CELF2: variants seen among roughly 807,000 people sequenced by gnomAD.
The protein encoded by CELF2 is CUGBP Elav-like family member 2.
Under a neutral mutation model 62.6 loss-of-function variants are expected in CELF2, and 8 were observed. The ratio of observed to expected loss-of-function variants is 0.13; its 90% CI spans 0.07 to 0.23. The LOEUF is 0.23. Among genes scored for constraint, CELF2 ranks in the 10% least tolerant of loss-of-function variants. CELF2 has a pLI of 1.00. For missense variants in CELF2, 333 were observed against 671.0 expected, an observed-to-expected ratio of 0.50 and a Z score of 5.56; for synonymous variants, 258 against 250.0, an observed-to-expected ratio of 1.03 and a Z score of -0.30.
At chr10:11,194,861 A>C (rs528428900) in intron 2 of CELF2, among the ~76,000 whole-genome samples, 1 of 152,228 alleles carries the variant, frequency 6.6e-6, no homozygotes, top group African/African-American at 2.4e-5. Context: ...CTCATATTTT[A>C]TAGTACCATC....
the CELF2 span, among the ~76,000 whole-genome samples, chr10:10,552,095 C>T: frequency 6.6e-6 from 1 of 152,140 alleles, no homozygotes; most frequent in Non-Finnish European, 1.5e-5. Flanking sequence ...TCAGACAAAG[C>T]GGTTGCCTTG....
At chr10:10,523,280 C>T in the CELF2 span, among the ~76,000 whole-genome samples, 1 of 152,192 alleles carries the variant, frequency 6.6e-6, no homozygotes, top group East Asian at 1.9e-4. Flanking sequence ...TTTAGCAACA[C>T]TCTAGGCTTG....
intron 1 of CELF2, among the ~76,000 whole-genome samples, chr10:11,035,934 A>G (rs1819370390): frequency 2.0e-5 from 3 of 152,300 alleles, no homozygotes; most frequent in Admixed American, 2.0e-4. Context: ...TGGCAATTTT[A>G]TTTCATGACC....
intron 1 of CELF2, among the ~76,000 whole-genome samples, chr10:11,067,243 A>G (rs774399633): frequency 6.6e-6 from 1 of 152,228 alleles, no homozygotes; most frequent in Non-Finnish European, 1.5e-5. Flanking sequence ...AAATGTGTAC[A>G]TATTTGGCAG....
At position 10,936,331 on chromosome 10, in the gene CELF2, C is replaced by A. The variant is rs540734142; in HGVS notation, c.89+16332C>A. Reference sequence around the variant, plus strand: ...TAATCTGCATAATTGTGCAAAAATTCTCATGTTACATGACTGTTCTCCCTG... The same window carrying A: ...TAATCTGCATAATTGTGCAAAAATTATCATGTTACATGACTGTTCTCCCTG... On this transcript the variant is annotated intron_variant, in intron 2 of 13. Transcript: ENST00000636488. The surrounding 1 kb of genome is among the most constrained non-coding windows in gnomAD (Gnocchi z 4.0). Among the ~76,000 whole-genome samples, 2 of 152,268 alleles carry A rather than the reference C, an allele frequency of 1.3e-5. No homozygotes were observed. Among genetic ancestry groups the A allele is most frequent in the East Asian group, 1.9e-4 (1 of 5,182 alleles).
At chr10:11,048,659 G>A (rs2063304350) in intron 1 of CELF2, among the ~76,000 whole-genome samples, 1 of 152,170 alleles carries the variant, frequency 6.6e-6, no homozygotes, top group African/African-American at 2.4e-5. Flanking sequence ...AACACCTAAG[G>A]TAGAATCTAA....
At chr10:10,574,210 A>G in the CELF2 span, among the ~76,000 whole-genome samples, 1 of 152,220 alleles carries the variant, frequency 6.6e-6, no homozygotes, top group African/African-American at 2.4e-5. Flanking sequence ...AGCCAAGGAC[A>G]TTATCCCACA....
Position 10,939,307 on chromosome 10 carries a change from A to G in CELF2, c.89+19308A>G, listed in dbSNP as rs1015885913. ...GTTGTTGTTGTTGTTGTTGTTGTTG[A>G]GACGGAGTCTCGCCTGTCACCCAGG... On this transcript the variant is annotated intron_variant, in intron 2 of 13. Coordinates refer to the CELF2 transcript ENST00000636488. Among the ~76,000 whole-genome samples, 14 of 122,102 alleles carry G rather than the reference A, an allele frequency of 1.1e-4. No individual in the cohort carries two copies. The South Asian group carries it at 2.2e-3, about 19-fold the overall frequency. 80.1% of individuals were successfully genotyped at this position (122,102 alleles called of 152,430 possible).
the CELF2 span, among the ~76,000 whole-genome samples, chr10:10,705,264 G>T: frequency 6.6e-6 from 1 of 151,210 alleles, no homozygotes; most frequent in South Asian, 2.1e-4. Context: ...ACATATGAAC[G>T]TAGTCACAAA....
chr10:11,177,816 C>T lies in CELF2; in HGVS notation c.271+12134C>T, dbSNP rs553626201. Reference sequence around the variant, plus strand: ...AGGAGCGGGTGAGGAGGGCCTTTCTCTGCCTCCCATTCCCAAAGCATTCTC... The same window carrying T: ...AGGAGCGGGTGAGGAGGGCCTTTCTTTGCCTCCCATTCCCAAAGCATTCTC... On this transcript the variant is annotated intron_variant, in intron 2 of 12. Transcript: ENST00000633077. This position sits in a 1 kb window ranked among gnomAD's most constrained non-coding sequence, Gnocchi z 4.8. 6.6e-6 allele frequency among the ~76,000 whole-genome samples: 1 copy of T among 152,300 alleles called. No individual in the cohort carries two copies. The highest frequency in any genetic ancestry group is 1.9e-4 in the East Asian group (1 of 5,178).
chr10:10,639,915 C>G, the CELF2 span, among the ~76,000 whole-genome samples: 3 of 152,278 alleles, frequency 2.0e-5, no homozygotes, highest in South Asian at 6.2e-4. Flanking sequence ...CTACATGAAA[C>G]AGTCTCCATT....
At chr10:11,061,792 AG>A (rs1162911863) in intron 1 of CELF2, among the ~76,000 whole-genome samples, 5 of 152,220 alleles carry the variant, frequency 3.3e-5, no homozygotes, top group Non-Finnish European at 5.9e-5. Context: ...ATCTGTTTAC[AG>A]CATGGTTTAC....
chr10:10,997,546 C>T lies in CELF2; in HGVS notation c.89+77547C>T, dbSNP rs1021769201. ...TAGGAAAGGAAGATCCCCAAGTGCA[C>T]CAAAGGTCATATTCACGTTTGGATC... On this transcript the variant is annotated intron_variant, in intron 2 of 13. Transcript: ENST00000636488. This position sits in a 1 kb window ranked among gnomAD's most constrained non-coding sequence, Gnocchi z 5.3. 1.3e-5 allele frequency among the ~76,000 whole-genome samples: 2 copies of T among 152,152 alleles called. No homozygotes were observed. Among genetic ancestry groups the T allele is most frequent in the African/African-American group, 2.4e-5 (1 of 41,426 alleles).
the CELF2 span, among the ~76,000 whole-genome samples, chr10:10,752,688 C>CAAAAAAAA: frequency 1.2e-4 from 7 of 58,950 alleles, no homozygotes; most frequent in East Asian, 4.2e-4. Flanking sequence ...GACTCCGTCT[C>CAAAAAAAA]AAAAAAAAAA....
At position 11,324,787 on chromosome 10, in the gene CELF2, C is replaced by T. The variant is rs1310517160; in HGVS notation, c.1295-1049C>T. ...AGACACCCTTCCCACATCTAGGGACCCCAGTGCAGCTATCCCCTGGGGTTG... is the reference window on the plus strand; with the variant it reads ...AGACACCCTTCCCACATCTAGGGACTCCAGTGCAGCTATCCCCTGGGGTTG... On this transcript the variant is annotated intron_variant, in intron 11 of 12. Transcript: ENST00000633077. The surrounding 1 kb of genome is among the most constrained non-coding windows in gnomAD (Gnocchi z 4.7). 6.6e-6 allele frequency among the ~76,000 whole-genome samples: 1 copy of T among 152,110 alleles called. No homozygotes were observed. Among genetic ancestry groups the T allele is most frequent in the African/African-American group, 2.4e-5 (1 of 41,394 alleles).
At chr10:11,125,589 G>A (rs1333205419) in intron 1 of CELF2, among the ~76,000 whole-genome samples, 1 of 152,122 alleles carries the variant, frequency 6.6e-6, no homozygotes, top group East Asian at 1.9e-4. Flanking sequence ...CCAATGATGT[G>A]TTATAACATG....
chr10:10,750,709 A>G, the CELF2 span, among the ~76,000 whole-genome samples: 223 of 152,390 alleles, frequency 1.5e-3, 1 homozygote, highest in Admixed American at 2.7e-3. Context: ...AGAAAGTTAA[A>G]GTTTAATTAA....
chr10:11,102,159 A>G (rs1214243078), intron 1 of CELF2: 3 of 152,200 alleles, frequency 2.0e-5, no homozygotes, highest in African/African-American at 4.8e-5. Context: ...CTTAGACCAG[A>G]CTGTAATCCA....
At chr10:10,706,813 T>A in the CELF2 span, among the ~76,000 whole-genome samples, 1 of 152,166 alleles carries the variant, frequency 6.6e-6, no homozygotes, top group Admixed American at 6.5e-5. Flanking sequence ...TTTTACAACT[T>A]TAAACGCTCT....
Sources: allele counts gnomAD v4.1 joint callset (sites outside exome capture counted in the v4.1 genomes callset), GRCh38; gene constraint gnomAD v4.1.1; non-coding constraint Gnocchi (gnomAD v3.1); transcripts MANE v1.5; gene names NCBI Gene and HGNC (gene_info 2026-07-23, HGNC 2026-07-21).